Variants in SUGT1 observed in about 807,000 individuals in gnomAD.
SUGT1 encodes the protein SGT1 assembly cochaperone of MIS12 kinetochore complex, also known as protein SGT1 homolog.
Under a neutral mutation model 56.1 loss-of-function variants are expected in SUGT1, and 15 were observed. That is an observed-to-expected ratio of 0.27 (90% CI 0.18 to 0.41). SUGT1 has a LOEUF of 0.41. SUGT1 is among the 10% of genes least tolerant of loss of function. The pLI is 1.00. For synonymous variants in SUGT1, 123 were observed against 128.6 expected, an observed-to-expected ratio of 0.96 and a Z score of 0.30; for missense variants, 347 against 382.2, an observed-to-expected ratio of 0.91 and a Z score of 0.77.
At chr13:52,684,883 AAG>A (rs1963514586) in intron 12 of SUGT1, among the ~76,000 whole-genome samples, 1 of 143,072 alleles carries the variant, frequency 7.0e-6, no homozygotes, top group Non-Finnish European at 1.5e-5. Context: ...ATCTCTTGGC[AAG>A]AGAGAGCAGG....
At chr13:52,661,549 T>C in intron 5 of SUGT1, 1 of 397,634 alleles carries the variant, frequency 2.5e-6, no homozygotes, top group Non-Finnish European at 4.9e-6. Flanking sequence ...TGCCTTGGAC[T>C]CCCAAAGTGC....
chr13:52,666,076 T>C (rs1234122891), intron 9 of SUGT1, among the ~76,000 whole-genome samples: 2 of 152,228 alleles, frequency 1.3e-5, no homozygotes, highest in African/African-American at 4.8e-5. Context: ...CCATGTTAAA[T>C]GAGTATGACT....
intron 12 of SUGT1, among the ~76,000 whole-genome samples, chr13:52,684,046 A>G (rs928756187): frequency 1.3e-5 from 2 of 150,142 alleles, no homozygotes; most frequent in Non-Finnish European, 3.0e-5. Context: ...ACATCCAACT[A>G]ATTTATTTTA....
chr13:52,685,849 G>A (rs1206717764), intron 12 of SUGT1, among the ~76,000 whole-genome samples: 1 of 152,202 alleles, frequency 6.6e-6, no homozygotes, highest in Non-Finnish European at 1.5e-5. Context: ...AGATGCGGGG[G>A]TGGGGCGATA....
In SUGT1 at chr13:52,689,294, T is replaced by G. The variant is rs1193785470; in HGVS notation, c.*1459T>G. The stretch of plus-strand genomic sequence containing the variant: ...GCTACTAGATACATTTTTTTCTTCT[T>G]GAACACTGAAGGAAAAGGCAAAATT... On this transcript the variant is annotated 3_prime_UTR_variant, in exon 13 of 13. Coordinates refer to ENST00000310528, the MANE Select transcript of SUGT1 (RefSeq NM_006704.5). The G allele has an allele frequency of 1.3e-5, 2 of 152,162 alleles. No homozygotes were observed. The highest frequency in any genetic ancestry group is 4.8e-5 in the African/African-American group (2 of 41,430). The allele number at this position is 152,162 out of a possible 1,614,324, so 9.4% of individuals were successfully genotyped here. A position where few individuals can be genotyped will look rare whatever the true frequency, so the allele number is the denominator to read the frequency against.
At chr13:52,665,582 A>G (rs953540613) in intron 8 of SUGT1, 55 bp from the exon 9 acceptor site, 25 of 1,365,070 alleles carry the variant, frequency 1.8e-5, no homozygotes, top group Non-Finnish European at 8.0e-6. Flanking sequence ...TTGTTTTGAC[A>G]ATAGCTTTAA....
chr13:52,689,693 G>GT lies in SUGT1; in HGVS notation c.*1859dup, dbSNP rs1963720067. Reference sequence around the variant, plus strand: ...TATTAAAATAGCTGTTTCTGACCAGGTGCAGTAGCTCATGCTTGTAATCCC... The same window carrying GT: ...TATTAAAATAGCTGTTTCTGACCAGGTTGCAGTAGCTCATGCTTGTAATCCC... On this transcript the variant is annotated 3_prime_UTR_variant, in exon 13 of 13. Coordinates refer to ENST00000310528, the MANE Select transcript of SUGT1 (RefSeq NM_006704.5). The GT allele has an allele frequency of 6.6e-6, 1 of 152,176 alleles. No individual in the cohort carries two copies. The highest frequency in any genetic ancestry group is 1.5e-5 in the Non-Finnish European group (1 of 68,064). 9.4% of individuals were successfully genotyped at this position (152,176 alleles called of 1,614,324 possible).
At chr13:52,653,548 C>T (rs1396679127) in intron 2 of SUGT1, among the ~76,000 whole-genome samples, 1 of 152,156 alleles carries the variant, frequency 6.6e-6, no homozygotes, top group Non-Finnish European at 1.5e-5. Context: ...TGAAACTTTC[C>T]AGATGTCTTA....
chr13:52,683,472 T>C (rs1215177717), intron 12 of SUGT1, among the ~76,000 whole-genome samples: 1 of 152,206 alleles, frequency 6.6e-6, no homozygotes, highest in Non-Finnish European at 1.5e-5. Flanking sequence ...TACTTTGTCA[T>C]ATAGTGTATC....
chr13:52,665,188 A>G (rs1191841446), intron 8 of SUGT1, among the ~76,000 whole-genome samples: 2 of 152,120 alleles, frequency 1.3e-5, no homozygotes, highest in Non-Finnish European at 2.9e-5. Context: ...TGGAGTGTTG[A>G]CTCAGGCTTA....
chr13:52,657,720 G>A, intron 3 of SUGT1, 98 bp downstream of exon 3: 1 of 1,106,460 alleles, frequency 9.0e-7, no homozygotes, highest in Non-Finnish European at 1.3e-6. Context: ...TTTTTAAATT[G>A]GTCTTTTATA....
intron 10 of SUGT1, among the ~76,000 whole-genome samples, chr13:52,667,514 T>G (rs1230653176): frequency 6.6e-6 from 1 of 152,022 alleles, no homozygotes; most frequent in African/African-American, 2.4e-5. Flanking sequence ...CCTGCTTAAT[T>G]TTTGTATTTT....
Position 52,659,263 on chromosome 13 carries a change from AT to A in SUGT1, c.328+16del. ...AAAAATTAGATAGTAAGTATTAAAA[AT>A]TATACTTTAATAAACTTATCTATTT... is the stretch of plus-strand genomic sequence containing the variant. On this transcript the variant is annotated intron_variant, in intron 5 of 12. Coordinates refer to ENST00000310528, the MANE Select transcript of SUGT1 (RefSeq NM_006704.5). The A allele has an allele frequency of 7.2e-7, 1 of 1,395,428 alleles. No homozygotes were observed. The highest frequency in any genetic ancestry group is 9.6e-7 in the Non-Finnish European group (1 of 1,046,952). The allele number at this position is 1,395,428 out of a possible 1,614,324, so 86.4% of individuals were successfully genotyped here. A position where few individuals can be genotyped will look rare whatever the true frequency, so the allele number is the denominator to read the frequency against.
chr13:52,673,631 GCT>G (rs927185154), intron 10 of SUGT1, among the ~76,000 whole-genome samples: 2 of 152,156 alleles, frequency 1.3e-5, no homozygotes, highest in Admixed American at 6.5e-5. Context: ...ACTCTGTGCT[GCT>G]CTTCAGGTGA....
intron 12 of SUGT1, among the ~76,000 whole-genome samples, chr13:52,681,155 A>T (rs898550921): frequency 1.3e-5 from 2 of 150,854 alleles, no homozygotes; most frequent in African/African-American, 2.4e-5. Flanking sequence ...TGATTAAAAA[A>T]TTTTTTTTCA....
Position 52,666,894 on chromosome 13 carries a change from G to T in SUGT1, c.602G>T (p.Ser201Ile). ...CTTCATCCTATAATACCAGAACAGA[G>T]CACGTTTAAAGTACTTTCAACAAAG... ...ELLHPIIPEQSTFKVLSTKIE... is the reference protein window; with the variant it reads ...ELLHPIIPEQITFKVLSTKIE... The change falls in exon 10 of 13, where the codon AGC becomes ATC. Residue 201 changes from serine (S) to isoleucine (I), a missense_variant. Physicochemically the swap from Ser to Ile is moderately radical, Grantham distance 142. Coordinates refer to ENST00000310528, the MANE Select transcript of SUGT1 (RefSeq NM_006704.5). 6.2e-7 allele frequency: 1 copy of T among 1,612,740 alleles called. No homozygotes were observed. Among genetic ancestry groups the T allele is most frequent in the Non-Finnish European group, 8.5e-7 (1 of 1,179,396 alleles).
rs1234646571 is a variant in SUGT1 at position 52,696,629 on chromosome 13, A to G, written c.*8794A>G. 1 of 152,164 alleles carries G rather than the reference A, an allele frequency of 6.6e-6. No homozygotes were observed. 9.4% of individuals were successfully genotyped at this position (152,164 alleles called of 1,614,324 possible). On this transcript the variant is annotated 3_prime_UTR_variant, in exon 13 of 13. Transcript: ENST00000310528. ...TATTTGTCAATGTAAATAGAATAGT[A>G]ATTTGTTTTCAAAAAGATGAGGTCT... is the stretch of plus-strand genomic sequence containing the variant.
At chr13:52,673,948 T>TA (rs1395366488) in intron 10 of SUGT1, among the ~76,000 whole-genome samples, 28 of 151,912 alleles carry the variant, frequency 1.8e-4, no homozygotes, top group Non-Finnish European at 4.4e-5. Context: ...TATTACTTTA[T>TA]AAAAAATTAA....
chr13:52,684,533 A>G (rs1360051519), intron 12 of SUGT1, among the ~76,000 whole-genome samples: 1 of 147,982 alleles, frequency 6.8e-6, no homozygotes, highest in African/African-American at 2.5e-5. Context: ...TCTATTATCT[A>G]TTTCTATCTA....
Sources: allele counts gnomAD v4.1 joint callset (sites outside exome capture counted in the v4.1 genomes callset), GRCh38; gene constraint gnomAD v4.1.1; transcripts MANE v1.5; gene names NCBI Gene and HGNC (gene_info 2026-07-23, HGNC 2026-07-21).